Variants in SCAI observed in about 807,000 individuals in gnomAD.
SCAI encodes the protein protein SCAI.
A neutral mutation model predicts 92.2 loss-of-function variants in SCAI; 24 were observed. The ratio of observed to expected loss-of-function variants is 0.26; its 90% CI spans 0.19 to 0.37. The LOEUF is 0.37. Ranked by LOEUF, SCAI falls within the 10% of genes least tolerant of loss-of-function variation. The pLI is 1.00. For synonymous variants in SCAI, 261 were observed against 258.6 expected (o/e 1.01, Z -0.09); for missense variants, 450 against 736.2 (o/e 0.61, Z 4.50).
chr9:125,108,759 C>T (rs1242141495), intron 2 of SCAI, among the ~76,000 whole-genome samples: 1 of 150,850 alleles, frequency 6.6e-6, no homozygotes, highest in African/African-American at 2.4e-5. Context: ...CGCCCGGCAG[C>T]CGCCCCGTCC....
chr9:125,051,695 GC>G (rs1439332126), intron 3 of SCAI, among the ~76,000 whole-genome samples: 2 of 152,100 alleles, frequency 1.3e-5, no homozygotes, highest in Admixed American at 1.3e-4. Context: ...TGAAAAATAT[GC>G]AATAATCAAA....
rs1340601452 is a variant in SCAI, at chr9:124,948,003, A to C, written c.*4804T>G. On this transcript the variant is annotated 3_prime_UTR_variant, in exon 18 of 18. Transcript: ENST00000336505. ...AATAAAATTTTTCAGCTGGGTCCAA[A>C]CTGCTTCTCAGAGACAGAAAGTTAC... 1 of 152,208 alleles carries C rather than the reference A, an allele frequency of 6.6e-6. No homozygotes were observed. The highest frequency in any genetic ancestry group is 1.5e-5 in the Non-Finnish European group (1 of 68,032). The allele number at this position is 152,208 out of a possible 1,614,324, so 9.4% of individuals were successfully genotyped here.
chr9:124,958,540 C>CT (rs1831366323), intron 17 of SCAI, among the ~76,000 whole-genome samples: 1 of 152,166 alleles, frequency 6.6e-6, no homozygotes, highest in African/African-American at 2.4e-5. Context: ...TTATCTCACA[C>CT]TTTAAACAAA....
intron 9 of SCAI, among the ~76,000 whole-genome samples, chr9:125,015,118 A>G (rs1396601594): frequency 6.6e-6 from 1 of 152,202 alleles, no homozygotes; most frequent in East Asian, 1.9e-4. Context: ...GTACGTAGGC[A>G]TGGGCAAGGA....
At position 125,083,850 on chromosome 9, in the gene SCAI, A is replaced by C. The variant is rs150766539; in HGVS notation, c.99-27843T>G. ...ACAAAAATAAAATGAGGATAAATAT[A>C]ATATTCCAAGTGGTAAGAAGTACTA... On this transcript the variant is annotated intron_variant, in intron 2 of 17. Coordinates refer to ENST00000336505, the MANE Select transcript of SCAI (RefSeq NM_001144877.3). Among the ~76,000 whole-genome samples the C allele has an allele frequency of 6.6e-5, 10 of 152,248 alleles. No homozygotes were observed. In the East Asian group the frequency reaches 1.7e-3, roughly 27 times the overall value.
rs1564352193 is a variant in SCAI at position 124,946,626 on chromosome 9, G to C, written c.*6181C>G. 6.6e-6 allele frequency: 1 copy of C among 152,082 alleles called. No homozygotes were observed. The highest frequency in any genetic ancestry group is 2.4e-5 in the African/African-American group (1 of 41,416). 9.4% of individuals were successfully genotyped at this position (152,082 alleles called of 1,614,324 possible). ...TGAAGTAACCAAACATTGATACTTGGCAACATTCTATAGGTTCACAAATTG... is the reference window on the plus strand; with the variant it reads ...TGAAGTAACCAAACATTGATACTTGCCAACATTCTATAGGTTCACAAATTG... On this transcript the variant is annotated 3_prime_UTR_variant, in exon 18 of 18. Coordinates refer to ENST00000336505, the MANE Select transcript of SCAI (RefSeq NM_001144877.3). This position sits in a 1 kb window ranked among gnomAD's most constrained non-coding sequence, Gnocchi z 4.0.
intron 2 of SCAI, among the ~76,000 whole-genome samples, chr9:125,114,222 T>G (rs1474432885): frequency 6.6e-6 from 1 of 152,220 alleles, no homozygotes; most frequent in African/African-American, 2.4e-5. Context: ...ATGTCACATC[T>G]TGGTGAAGCT....
chr9:125,074,661 T>C (rs75828143), intron 2 of SCAI, among the ~76,000 whole-genome samples: 3,337 of 152,060 alleles, frequency 0.022, 125 homozygotes, highest in African/African-American at 0.076. Flanking sequence ...AATCCAAACT[T>C]GATCTAATTT....
intron 14 of SCAI, among the ~76,000 whole-genome samples, chr9:124,976,601 T>C (rs1350126677): frequency 2.0e-5 from 3 of 152,170 alleles, no homozygotes; most frequent in African/African-American, 7.2e-5. Flanking sequence ...TGGGTCATAA[T>C]AACTGCTCTC....
chr9:125,050,294 G>T (rs940684016), intron 3 of SCAI, among the ~76,000 whole-genome samples: 1 of 152,076 alleles, frequency 6.6e-6, no homozygotes, highest in Non-Finnish European at 1.5e-5. Flanking sequence ...GGCGCAGGGG[G>T]ATAGCAACCA....
rs1202116850 is a variant in SCAI, at chr9:124,995,029, A to G, written c.1245-14T>C. On this transcript the variant is annotated splice_polypyrimidine_tract_variant and intron_variant, in intron 13 of 17. Coordinates refer to ENST00000336505, the MANE Select transcript of SCAI (RefSeq NM_001144877.3). ...CCGGGATGAAGGCTGGGAAAACAAC[A>G]ACGAAGAACTGTTAAACTGTGTCAG... 1 of 1,590,992 alleles carries G rather than the reference A, an allele frequency of 6.3e-7. No individual in the cohort carries two copies. The highest frequency in any genetic ancestry group is 1.1e-5 in the South Asian group (1 of 88,824).
chr9:125,108,557 A>C, intron 2 of SCAI, among the ~76,000 whole-genome samples: 1 of 128,704 alleles, frequency 7.8e-6, no homozygotes, highest in African/African-American at 3.1e-5. Flanking sequence ...GTCTCTGCCC[A>C]GCCGCCCCGT....
chr9:125,001,939 C>G, intron 12 of SCAI, 26 bp downstream of exon 12: 2 of 1,524,134 alleles, frequency 1.3e-6, no homozygotes, highest in Non-Finnish European at 1.8e-6. Flanking sequence ...GCCCTGCTCA[C>G]AACAGGGAGC....
rs1489910794 is a variant in SCAI at position 124,961,057 on chromosome 9, G to A, written c.1675-8104C>T. 2.6e-5 allele frequency among the ~76,000 whole-genome samples: 4 copies of A among 151,604 alleles called. No individual in the cohort carries two copies. In the South Asian group the frequency reaches 6.2e-4, roughly 24 times the overall value. On this transcript the variant is annotated intron_variant, in intron 17 of 17. Coordinates refer to ENST00000336505, the MANE Select transcript of SCAI (RefSeq NM_001144877.3). ...GAGGACTGCTTGAGCCCAGGAGACT[G>A]AGGCTGCAGTAAGCTACAATTGCAT...
intron 2 of SCAI, among the ~76,000 whole-genome samples, chr9:125,107,178 A>G (rs1020132531): frequency 6.6e-6 from 1 of 152,046 alleles, no homozygotes; most frequent in African/African-American, 2.4e-5. Context: ...TGGGAGGCCG[A>G]GGGGAGAGGA....
At chr9:125,005,119 T>C (rs564832479) in intron 9 of SCAI, among the ~76,000 whole-genome samples, 40 of 151,990 alleles carry the variant, frequency 2.6e-4, no homozygotes, top group African/African-American at 9.6e-4. Context: ...ATTTCTTCCA[T>C]ACATTTTGGC....
chr9:125,128,179 C>T (rs1036394430), intron 2 of SCAI, among the ~76,000 whole-genome samples: 4 of 152,012 alleles, frequency 2.6e-5, no homozygotes, highest in Admixed American at 2.0e-4. Flanking sequence ...AAAAACCTGC[C>T]GGGCACAGTG....
intron 2 of SCAI, among the ~76,000 whole-genome samples, chr9:125,063,110 C>G (rs190052746): frequency 6.9e-6 from 1 of 144,936 alleles, no homozygotes; most frequent in Non-Finnish European, 1.5e-5. Context: ...CCACCCCCCC[C>G]AGAAAAGGGC....
At chr9:125,003,050 G>A (rs1231352069) in intron 11 of SCAI, 64 bp downstream of exon 11, 3 of 999,998 alleles carry the variant, frequency 3.0e-6, no homozygotes, top group African/African-American at 1.6e-5. Flanking sequence ...TCAAAAGAGT[G>A]ACTCTTAGAT....
Sources: allele counts gnomAD v4.1 joint callset (sites outside exome capture counted in the v4.1 genomes callset), GRCh38; gene constraint gnomAD v4.1.1; non-coding constraint Gnocchi (gnomAD v3.1); transcripts MANE v1.5; gene names NCBI Gene and HGNC (gene_info 2026-07-23, HGNC 2026-07-21).